Variants in SLC44A5 observed in about 807,000 individuals in gnomAD.
SLC44A5 encodes the protein solute carrier family 44 member 5.
In SLC44A5, 57 loss-of-function variants were observed where a neutral mutation model predicts 101.8. The observed-to-expected ratio is 0.56, with a 90% CI of 0.45 to 0.70. The LOEUF is 0.70. Ranked by LOEUF, SLC44A5 falls within the 30% of genes least tolerant of loss-of-function variation. The pLI, the probability that SLC44A5 is intolerant of heterozygous loss-of-function variation, is 0.00. For missense variants in SLC44A5, 737 were observed against 853.1 expected (o/e 0.86, Z 1.70); for synonymous variants, 281 against 290.9 (o/e 0.97, Z 0.35).
intron 2 of SLC44A5, among the ~76,000 whole-genome samples, chr1:75,479,667 C>T (rs1283399166): frequency 6.6e-6 from 1 of 152,162 alleles, no homozygotes; most frequent in South Asian, 2.1e-4. Context: ...TGGATAAATT[C>T]CTTGACACAT....
At chr1:75,343,824 A>C (rs1038805507) in intron 3 of SLC44A5, among the ~76,000 whole-genome samples, 2 of 152,196 alleles carry the variant, frequency 1.3e-5, no homozygotes, top group Non-Finnish European at 2.9e-5. Flanking sequence ...TGTCTATAAA[A>C]GAGGGCCTGT....
chr1:75,650,964 C>A, the SLC44A5 span, among the ~76,000 whole-genome samples: 1 of 152,188 alleles, frequency 6.6e-6, no homozygotes. Context: ...CCTTTATACC[C>A]AGACTGTCTT....
intron 5 of SLC44A5, among the ~76,000 whole-genome samples, chr1:75,277,389 C>A (rs1174098709): frequency 6.6e-6 from 1 of 152,174 alleles, no homozygotes; most frequent in Non-Finnish European, 1.5e-5. Context: ...GTATAGATAG[C>A]TGCAGCTCAG....
intron 5 of SLC44A5, among the ~76,000 whole-genome samples, chr1:75,280,216 T>A (rs368477498): frequency 0.96 from 3,609 of 3,768 alleles, 1,741 homozygotes; most frequent in East Asian, 0.98. Context: ...TAATATATAT[T>A]GTATATATTA....
At chr1:75,346,503 G>T (rs142623751) in intron 3 of SLC44A5, among the ~76,000 whole-genome samples, 2 of 152,042 alleles carry the variant, frequency 1.3e-5, no homozygotes, top group African/African-American at 4.8e-5. Flanking sequence ...AAGAATGGAC[G>T]TTTAGGGGGC....
chr1:75,449,741 G>A (rs564618924), intron 2 of SLC44A5, among the ~76,000 whole-genome samples: 2 of 152,164 alleles, frequency 1.3e-5, no homozygotes, highest in South Asian at 2.1e-4. Context: ...GGTGGCTCAC[G>A]CCTGTAATCC....
At chr1:75,493,827 A>G (rs1320977978) in intron 2 of SLC44A5, among the ~76,000 whole-genome samples, 2 of 152,188 alleles carry the variant, frequency 1.3e-5, no homozygotes, top group Non-Finnish European at 2.9e-5. Flanking sequence ...GTTTCATCTG[A>G]GAAAAATCCA....
the SLC44A5 span, among the ~76,000 whole-genome samples, chr1:75,654,918 C>A: frequency 6.6e-6 from 1 of 152,194 alleles, no homozygotes; most frequent in Non-Finnish European, 1.5e-5. Flanking sequence ...CTGTTCCCTT[C>A]TTTCAACTGC....
intron 2 of SLC44A5, among the ~76,000 whole-genome samples, chr1:75,418,256 C>G (rs1170616880): frequency 6.6e-6 from 1 of 152,166 alleles, no homozygotes; most frequent in South Asian, 2.1e-4. Flanking sequence ...TGTTGAATGT[C>G]TACTATCTGC....
chr1:75,220,331 T>C (rs1647052345), intron 14 of SLC44A5, among the ~76,000 whole-genome samples: 1 of 152,146 alleles, frequency 6.6e-6, no homozygotes, highest in Non-Finnish European at 1.5e-5. Flanking sequence ...GGGTACTTAC[T>C]TTTACATGAC....
At chr1:75,246,079 C>G (rs1312759147) in intron 7 of SLC44A5, among the ~76,000 whole-genome samples, 2 of 152,094 alleles carry the variant, frequency 1.3e-5, no homozygotes, top group Non-Finnish European at 2.9e-5. Context: ...CTAATAAGAG[C>G]TAATTCTGAC....
At chr1:75,515,675 G>A (rs2101882070) in intron 2 of SLC44A5, among the ~76,000 whole-genome samples, 1 of 152,222 alleles carries the variant, frequency 6.6e-6, no homozygotes, top group East Asian at 1.9e-4. Flanking sequence ...TGGACATTTA[G>A]TCTGATTCCA....
chr1:75,470,586 T>G (rs937251330), intron 2 of SLC44A5, among the ~76,000 whole-genome samples: 13 of 151,698 alleles, frequency 8.6e-5, no homozygotes, highest in African/African-American at 3.2e-4. Flanking sequence ...AACCCAGACG[T>G]GAGGGGGAGG....
intron 2 of SLC44A5, among the ~76,000 whole-genome samples, chr1:75,460,908 T>A (rs573915550): frequency 6.6e-6 from 1 of 152,284 alleles, no homozygotes; most frequent in Non-Finnish European, 1.5e-5. Context: ...GGAATTTGAA[T>A]GGTTTTCCAT....
chr1:75,561,597 A>T (rs1672521231), intron 1 of SLC44A5, among the ~76,000 whole-genome samples: 1 of 152,186 alleles, frequency 6.6e-6, no homozygotes, highest in Non-Finnish European at 1.5e-5. Flanking sequence ...GCATTGGAAG[A>T]GTCCTACAAT....
chr1:75,364,220 G>A (rs1042248540), intron 3 of SLC44A5, among the ~76,000 whole-genome samples: 2 of 152,094 alleles, frequency 1.3e-5, no homozygotes, highest in Admixed American at 6.6e-5. Context: ...AGAAATACCT[G>A]AGACTGGGTA....
intron 1 of SLC44A5, among the ~76,000 whole-genome samples, chr1:75,578,043 T>C (rs1264022108): frequency 6.6e-6 from 1 of 152,130 alleles, no homozygotes; most frequent in Admixed American, 6.5e-5. Flanking sequence ...CTCATGACTA[T>C]CAAGCTCCAA....
intron 2 of SLC44A5, among the ~76,000 whole-genome samples, chr1:75,434,063 A>G (rs1311523280): frequency 6.6e-6 from 1 of 152,064 alleles, no homozygotes; most frequent in East Asian, 1.9e-4. Flanking sequence ...GGGAGCTACA[A>G]TTCAAGATGA....
chr1:75,477,454 G>A (rs539341719), intron 2 of SLC44A5, among the ~76,000 whole-genome samples: 25 of 152,262 alleles, frequency 1.6e-4, no homozygotes, highest in Admixed American at 9.8e-4. Flanking sequence ...AAACTACTCC[G>A]AGTTACAGGA....
Sources: allele counts gnomAD v4.1 joint callset (sites outside exome capture counted in the v4.1 genomes callset), GRCh38; gene constraint gnomAD v4.1.1; transcripts MANE v1.5; gene names NCBI Gene and HGNC (gene_info 2026-07-23, HGNC 2026-07-21).